The following PLCE1 variants were observed in gnomAD, a reference collection of about 807,000 sequenced individuals.
The protein encoded by PLCE1 is phospholipase C epsilon 1, also known as 1-phosphatidylinositol 4,5-bisphosphate phosphodiesterase epsilon-1.
In PLCE1, 119 loss-of-function variants were observed where a neutral mutation model predicts 242.8. The observed-to-expected ratio is 0.49, with a 90% CI of 0.42 to 0.57. PLCE1 has a LOEUF of 0.57. PLCE1 is among the 20% of genes least tolerant of loss of function. The pLI, the probability that PLCE1 is intolerant of heterozygous loss-of-function variation, is 0.00. For missense variants in PLCE1, 2,441 were observed against 2,788.8 expected (o/e 0.88, Z 2.81); for synonymous variants, 945 against 1,017.4 (o/e 0.93, Z 1.35).
chr10:94,221,320 C>T (rs1387935526), intron 4 of PLCE1, among the ~76,000 whole-genome samples: 3 of 152,298 alleles, frequency 2.0e-5, no homozygotes, highest in Admixed American at 2.0e-4. Context: ...GTGTATGTGC[C>T]TGTGCATGCA....
At chr10:94,049,305 C>T (rs944377636) in intron 2 of PLCE1, among the ~76,000 whole-genome samples, 2 of 152,096 alleles carry the variant, frequency 1.3e-5, no homozygotes, top group African/African-American at 2.4e-5. Flanking sequence ...TTTTTGACAT[C>T]GAATTCCCTA....
chr10:94,267,689 C>G (rs1399501867), intron 16 of PLCE1, among the ~76,000 whole-genome samples: 4 of 152,112 alleles, frequency 2.6e-5, no homozygotes, highest in African/African-American at 9.7e-5. Flanking sequence ...GAACATTATT[C>G]CTGGTCTGGC....
At chr10:94,290,250 C>G (rs1463675137) in intron 22 of PLCE1, among the ~76,000 whole-genome samples, 1 of 151,426 alleles carries the variant, frequency 6.6e-6, no homozygotes, top group Non-Finnish European at 1.5e-5. Flanking sequence ...AGCTGATCTC[C>G]TGGACTGATC....
intron 4 of PLCE1, among the ~76,000 whole-genome samples, chr10:94,220,746 T>C (rs942829442): frequency 6.6e-5 from 10 of 152,156 alleles, no homozygotes; most frequent in African/African-American, 2.4e-4. Context: ...GATCTTTAGA[T>C]ACACTCTCCA....
chr10:94,325,180 A>T (rs1265633707), intron 32 of PLCE1, 76 bp downstream of exon 32: 7 of 1,052,178 alleles, frequency 6.7e-6, no homozygotes, highest in Admixed American at 1.8e-5. Flanking sequence ...AATTAGTACA[A>T]TGTCTTTTAT....
At chr10:94,269,062 T>G (rs2051618548) in intron 17 of PLCE1, 26 bp downstream of exon 17, 1 of 774,322 alleles carries the variant, frequency 1.3e-6, no homozygotes, top group Non-Finnish European at 2.2e-6. Flanking sequence ...TTTCTTTAAA[T>G]CAAATCACAA....
chr10:94,297,754 C>T (rs2052892786), intron 23 of PLCE1, among the ~76,000 whole-genome samples: 1 of 151,988 alleles, frequency 6.6e-6, no homozygotes, highest in Non-Finnish European at 1.5e-5. Flanking sequence ...CATATAGCTT[C>T]CTTATTCTCT....
chr10:94,246,011 C>T lies in PLCE1; in HGVS notation c.2486C>T (p.Ser829Phe). 1 of 1,614,070 alleles carries T rather than the reference C, an allele frequency of 6.2e-7. No homozygotes were observed. The highest frequency in any genetic ancestry group is 8.5e-7 in the Non-Finnish European group (1 of 1,179,962). The change falls in exon 8 of 33, where the codon TCT becomes TTT. Residue 829 changes from serine to phenylalanine, a missense_variant. This residue lies in a region of PLCE1 where 733 missense variants were observed against 754.2 expected (regional missense o/e 0.97). Transcript: ENST00000371380. ...TTTGAGCAATCCAAAGAATACGACT[C>T]TCATGGTTCAGAGGACTCACAGAAG... is the stretch of plus-strand genomic sequence containing the variant. ...DIFEQSKEYD[S>F]HGSEDSQKAF...
At chr10:94,122,859 G>A (rs943947205) in intron 2 of PLCE1, among the ~76,000 whole-genome samples, 1 of 152,202 alleles carries the variant, frequency 6.6e-6, no homozygotes, top group Non-Finnish European at 1.5e-5. Context: ...GTAGGCCTGC[G>A]ATGGAGCCCA....
chr10:93,994,808 C>T (rs991607795), intron 1 of PLCE1, among the ~76,000 whole-genome samples: 2 of 152,194 alleles, frequency 1.3e-5, no homozygotes, highest in African/African-American at 2.4e-5. Flanking sequence ...TTTCGCCCCT[C>T]GCTCTGTATT....
intron 20 of PLCE1, among the ~76,000 whole-genome samples, chr10:94,280,985 C>CAATT (rs1322361859): frequency 2.0e-5 from 3 of 152,148 alleles, no homozygotes; most frequent in African/African-American, 7.2e-5. Flanking sequence ...TCCATACCAC[C>CAATT]AATTAAAAGC....
At chr10:94,148,033 A>G (rs2047166254) in intron 3 of PLCE1, among the ~76,000 whole-genome samples, 1 of 152,202 alleles carries the variant, frequency 6.6e-6, no homozygotes, top group South Asian at 2.1e-4. Flanking sequence ...AGATAGACCT[A>G]AGTCCCAGAT....
rs192708046 is a variant in PLCE1 at position 94,048,486 on chromosome 10, A to T, written c.1206+16234A>T. ...ACTTGTTATTTTGCCAATCAAATGG[A>T]TTAAAAAATATTTCTTTGTTTAATT... On this transcript the variant is annotated intron_variant, in intron 2 of 32. Coordinates refer to ENST00000371380, the MANE Select transcript of PLCE1 (RefSeq NM_016341.4). Among the ~76,000 whole-genome samples, 23 of 152,008 alleles carry T rather than the reference A, an allele frequency of 1.5e-4. No individual in the cohort carries two copies. In the East Asian group the frequency reaches 4.5e-3, roughly 29 times the overall value.
intron 2 of PLCE1, among the ~76,000 whole-genome samples, chr10:94,050,965 G>A (rs1212575001): frequency 1.3e-5 from 2 of 152,100 alleles, no homozygotes; most frequent in Non-Finnish European, 2.9e-5. Context: ...ACATGGTTCT[G>A]CTCCTAACTC....
rs113379775 is a variant in PLCE1 at position 94,050,050 on chromosome 10, A to G, written c.1206+17798A>G. Among the ~76,000 whole-genome samples the G allele has an allele frequency of 1.2e-4, 18 of 152,160 alleles. No individual in the cohort carries two copies. In the East Asian group the frequency reaches 1.7e-3, roughly 15 times the overall value. On this transcript the variant is annotated intron_variant, in intron 2 of 32. Transcript: ENST00000371380. ...GGTTTGTTCACCGTTTGGGGCTTCT[A>G]TGAATAGTGCTAGTCTGTTTCCTGC...
At chr10:94,206,183 G>A (rs1050830820) in intron 4 of PLCE1, among the ~76,000 whole-genome samples, 12 of 152,170 alleles carry the variant, frequency 7.9e-5, no homozygotes, top group African/African-American at 2.9e-4. Flanking sequence ...GAGTAAAGAA[G>A]GGAGGGTTGA....
chr10:94,039,104 A>G (rs912065697), intron 2 of PLCE1, among the ~76,000 whole-genome samples: 1 of 152,210 alleles, frequency 6.6e-6, no homozygotes, highest in Non-Finnish European at 1.5e-5. Flanking sequence ...ATTTCATTGT[A>G]TGATTATGCC....
At position 94,272,395 on chromosome 10, in the gene PLCE1, C is replaced by T. The variant is rs567339249; in HGVS notation, c.4507-1167C>T. On this transcript the variant is annotated intron_variant, in intron 18 of 32. Coordinates refer to ENST00000371380, the MANE Select transcript of PLCE1 (RefSeq NM_016341.4). Reference sequence around the variant, plus strand: ...ATATGGCTCTTTTTGCCTGACCCTGCAGGCGGTCACACCTTATGGTTGTCT... The same window carrying T: ...ATATGGCTCTTTTTGCCTGACCCTGTAGGCGGTCACACCTTATGGTTGTCT... Among the ~76,000 whole-genome samples the T allele has an allele frequency of 3.9e-5, 6 of 152,320 alleles. No individual in the cohort carries two copies. The South Asian group carries it at 1.0e-3, about 26-fold the overall frequency.
At chr10:94,110,298 G>A (rs555899889) in intron 2 of PLCE1, among the ~76,000 whole-genome samples, 75 of 151,896 alleles carry the variant, frequency 4.9e-4, no homozygotes, top group Non-Finnish European at 7.8e-4. Flanking sequence ...TCCTGACCTC[G>A]TGATCCGCCT....
Sources: gnomAD v4.1 joint callset for allele counts (sites outside exome capture counted in the v4.1 genomes callset) on GRCh38, gnomAD v4.1.1 for gene constraint, gnomAD v4.1.1 regional missense constraint, MANE v1.5 for transcripts, NCBI Gene and HGNC (gene_info 2026-07-23, HGNC 2026-07-21) for gene names.